PPFIBP1: variants seen among roughly 807,000 people sequenced by gnomAD.
The protein encoded by PPFIBP1 is PPFIB scaffold protein 1.
Under a neutral mutation model 137.8 loss-of-function variants are expected in PPFIBP1, and 112 were observed. The ratio of observed to expected loss-of-function variants is 0.81; its 90% CI spans 0.70 to 0.95. The LOEUF (loss-of-function observed/expected upper bound fraction) is 0.95, where lower values mean the gene tolerates loss of function less well. Ranked by LOEUF, PPFIBP1 falls within the 40% of genes least tolerant of loss-of-function variation. The pLI is 0.00. For synonymous variants in PPFIBP1, 378 were observed against 417.3 expected (o/e 0.91, Z 1.15); for missense variants, 1,083 against 1,196.6 (o/e 0.91, Z 1.40).
At chr12:27,676,958 G>T (rs112785577) in intron 18 of PPFIBP1, 106 bp from the exon 19 acceptor site, 4 of 1,442,912 alleles carry the variant, frequency 2.8e-6, no homozygotes, top group Admixed American at 1.7e-5. Context: ...TCTCCTCCAC[G>T]GTGTGTATTT....
intron 1 of PPFIBP1, among the ~76,000 whole-genome samples, chr12:27,560,930 A>T (rs2049108303): frequency 2.7e-5 from 1 of 36,778 alleles, no homozygotes; most frequent in Non-Finnish European, 7.8e-5. Flanking sequence ...CCTCACCTGA[A>T]GAGATGATTT....
intron 12 of PPFIBP1, 28 bp downstream of exon 12, chr12:27,664,474 A>G (rs1423740975): frequency 2.7e-6 from 4 of 1,470,924 alleles, no homozygotes; most frequent in Admixed American, 3.6e-5. Flanking sequence ...AAGTTTTTCT[A>G]CTTTGGTTGA....
In PPFIBP1 at chr12:27,691,139, C is replaced by T. The variant is rs117067232; in HGVS notation, c.2686-610C>T. On this transcript the variant is annotated intron_variant, in intron 27 of 29. Coordinates refer to ENST00000228425, the MANE Select transcript of PPFIBP1 (RefSeq NM_003622.4). ...GCAGTCACCAGTCCTGTTATGGAAG[C>T]AGAATAGGCATACAAGATAATTATA... Among the ~76,000 whole-genome samples, 576 of 141,882 alleles carry T rather than the reference C, an allele frequency of 4.1e-3. 2 individuals carry two copies. Among genetic ancestry groups the T allele is most frequent in the Non-Finnish European group, 6.6e-3 (429 of 65,158 alleles). 93.1% of individuals were successfully genotyped at this position (141,882 alleles called of 152,430 possible). A position where few individuals can be genotyped will look rare whatever the true frequency, so the allele number is the denominator to read the frequency against.
chr12:27,666,372 ATAGAAT>A (rs2059856833), intron 12 of PPFIBP1, among the ~76,000 whole-genome samples: 1 of 148,436 alleles, frequency 6.7e-6, no homozygotes, highest in African/African-American at 2.6e-5. Flanking sequence ...CTAAATTCTA[ATAGAAT>A]TAGAATAACA....
intron 1 of PPFIBP1, among the ~76,000 whole-genome samples, chr12:27,563,574 T>C (rs1222502546): frequency 6.6e-6 from 1 of 151,744 alleles, no homozygotes; most frequent in African/African-American, 2.4e-5. Flanking sequence ...CCACCTGCCA[T>C]TGCCGACTTT....
At chr12:27,664,647 C>T (rs776265216) in intron 12 of PPFIBP1, among the ~76,000 whole-genome samples, 14 of 147,600 alleles carry the variant, frequency 9.5e-5, no homozygotes, top group South Asian at 5.0e-4. Context: ...AGTCATTGGT[C>T]GGGGAGTGCC....
At chr12:27,618,529 G>T (rs1280698437) in intron 2 of PPFIBP1, among the ~76,000 whole-genome samples, 1 of 152,158 alleles carries the variant, frequency 6.6e-6, no homozygotes, top group Non-Finnish European at 1.5e-5. Flanking sequence ...TAAGTCTTTA[G>T]ATAATAACAA....
At chr12:27,589,156 A>T (rs1390234335) in intron 2 of PPFIBP1, among the ~76,000 whole-genome samples, 1 of 152,228 alleles carries the variant, frequency 6.6e-6, no homozygotes, top group African/African-American at 2.4e-5. Flanking sequence ...CACTTGCAAT[A>T]TATAATGAGG....
At chr12:27,539,448 T>G (rs1214237009) in intron 1 of PPFIBP1, among the ~76,000 whole-genome samples, 2 of 152,230 alleles carry the variant, frequency 1.3e-5, no homozygotes. Context: ...ATAATTTTGG[T>G]GTGCGGGTTT....
chr12:27,550,991 A>ATATTTT (rs375148048), intron 1 of PPFIBP1, among the ~76,000 whole-genome samples: 12 of 136,714 alleles, frequency 8.8e-5, no homozygotes, highest in South Asian at 4.6e-4. Context: ...ATATATATAT[A>ATATTTT]TTTTTTTTTT....
rs1446836653 is a variant in PPFIBP1, at chr12:27,629,873, C to T, written c.-35-3489C>T. Among the ~76,000 whole-genome samples the T allele has an allele frequency of 6.6e-5, 10 of 152,154 alleles. 1 individual carries two copies. Among genetic ancestry groups the T allele is most frequent in the Admixed American group, 5.9e-4 (9 of 15,278 alleles). ...TGGATGGTCTATTCTTAGTACTTCA[C>T]CACTTCAGGTTGTGTGTTTCTTACT... On this transcript the variant is annotated intron_variant, in intron 2 of 29. Coordinates refer to ENST00000228425, the MANE Select transcript of PPFIBP1 (RefSeq NM_003622.4).
chr12:27,644,244 GTTTTTTTTTTTT>G (rs3842650), intron 4 of PPFIBP1, among the ~76,000 whole-genome samples: 53,008 of 118,290 alleles, frequency 0.45, 10,530 homozygotes, highest in Non-Finnish European at 0.47. Flanking sequence ...GCTTGGCTAA[GTTTTTTTTTTTT>G]TTTTTTTTTT....
At chr12:27,547,186 C>G (rs1261456056) in intron 1 of PPFIBP1, 1 of 152,150 alleles carries the variant, frequency 6.6e-6, no homozygotes, top group Non-Finnish European at 1.5e-5. Flanking sequence ...TTGGGAACCC[C>G]AGATGTGGCC....
intron 2 of PPFIBP1, chr12:27,599,532 G>T (rs948580492): frequency 8.8e-6 from 4 of 454,452 alleles, no homozygotes; most frequent in African/African-American, 2.0e-5. Context: ...CTTCCCTCCT[G>T]CCTTCCTTCC....
At chr12:27,588,277 A>C (rs2052033682) in intron 2 of PPFIBP1, among the ~76,000 whole-genome samples, 1 of 152,220 alleles carries the variant, frequency 6.6e-6, no homozygotes, top group African/African-American at 2.4e-5. Flanking sequence ...GTAATCTTAG[A>C]GAGCATGTGC....
chr12:27,606,780 G>A (rs983489932), intron 2 of PPFIBP1, among the ~76,000 whole-genome samples: 1 of 152,166 alleles, frequency 6.6e-6, no homozygotes, highest in Non-Finnish European at 1.5e-5. Flanking sequence ...TTCATAACCC[G>A]CAGCATACAT....
intron 2 of PPFIBP1, among the ~76,000 whole-genome samples, chr12:27,581,498 A>G (rs1194200852): frequency 8.5e-5 from 13 of 152,210 alleles, no homozygotes; most frequent in African/African-American, 1.9e-4. Flanking sequence ...CCTGTAGTGT[A>G]GTGGTTTGTA....
At chr12:27,668,450 A>G (rs2059993309) in intron 13 of PPFIBP1, among the ~76,000 whole-genome samples, 1 of 152,226 alleles carries the variant, frequency 6.6e-6, no homozygotes, top group Non-Finnish European at 1.5e-5. Context: ...AAATCCAGCC[A>G]GGCACATGTT....
chr12:27,541,275 T>C (rs910205070), intron 1 of PPFIBP1, among the ~76,000 whole-genome samples: 5 of 150,288 alleles, frequency 3.3e-5, no homozygotes, highest in Admixed American at 2.7e-4. Flanking sequence ...AAAAAAAAAA[T>C]AGAGAAAGTT....
Sources: gnomAD v4.1 joint callset for allele counts (sites outside exome capture counted in the v4.1 genomes callset) on GRCh38, gnomAD v4.1.1 for gene constraint, MANE v1.5 for transcripts, NCBI Gene and HGNC (gene_info 2026-07-23, HGNC 2026-07-21) for gene names.